The following ANXA10 variants were observed in gnomAD, a reference collection of about 807,000 sequenced individuals.
ANXA10 encodes the protein annexin A10, also known as annexin 14.
In ANXA10, 49 loss-of-function variants were observed where a neutral mutation model predicts 53.5. The observed-to-expected ratio is 0.92, with a 90% CI of 0.73 to 1.16. ANXA10 has a LOEUF of 1.16. ANXA10 is among the 50% of genes most tolerant of loss of function. The pLI, the probability that ANXA10 is intolerant of heterozygous loss-of-function variation, is 0.00. For missense variants in ANXA10, 393 were observed against 394.4 expected, an observed-to-expected ratio of 1.00 and a Z score of 0.03; for synonymous variants, 131 against 128.9, an observed-to-expected ratio of 1.02 and a Z score of -0.11.
intron 1 of ANXA10, among the ~76,000 whole-genome samples, chr4:168,102,647 T>G (rs1349884101): frequency 6.6e-6 from 1 of 152,116 alleles, no homozygotes; most frequent in Non-Finnish European, 1.5e-5. Flanking sequence ...GTTCACAGTT[T>G]GAATGGATAA....
At position 168,172,279 on chromosome 4, in the gene ANXA10, C is replaced by G. The variant is rs546877871; in HGVS notation, c.481-5461C>G. ...TGCTTAAAGTGCTCTTGGTAATTAG[C>G]TGCATAGGAAAATAAACAGATAGGC... On this transcript the variant is annotated intron_variant, in intron 6 of 11. Transcript: ENST00000359299. Among the ~76,000 whole-genome samples the G allele has an allele frequency of 9.9e-5, 15 of 152,274 alleles. 2 individuals carry two copies. In the South Asian group the frequency reaches 3.1e-3, roughly 32 times the overall value.
intron 3 of ANXA10, among the ~76,000 whole-genome samples, chr4:168,159,368 T>TA (rs1731743074): frequency 6.6e-6 from 1 of 152,210 alleles, no homozygotes; most frequent in Non-Finnish European, 1.5e-5. Flanking sequence ...ATGAAGTTTT[T>TA]ATTTTAATTT....
rs111603755 is a variant in ANXA10, at chr4:168,181,640, T to G, written c.725-43T>G. 3.8e-3 allele frequency: 5,618 copies of G among 1,465,460 alleles called. 178 individuals are homozygous for G. The African/African-American group carries it at 0.066, about 17-fold the overall frequency. 90.8% of individuals were successfully genotyped at this position (1,465,460 alleles called of 1,614,324 possible). ...CTCAAATTCTGACGAAAATATATGTTTTCACTCTCAATGTTTCTTCTTCTC... is the reference window on the plus strand; with the variant it reads ...CTCAAATTCTGACGAAAATATATGTGTTCACTCTCAATGTTTCTTCTTCTC... On this transcript the variant is annotated intron_variant, in intron 9 of 11. Coordinates refer to ENST00000359299, the MANE Select transcript of ANXA10 (RefSeq NM_007193.5).
intron 3 of ANXA10, among the ~76,000 whole-genome samples, chr4:168,152,003 T>C (rs1731505534): frequency 6.6e-6 from 1 of 152,250 alleles, no homozygotes; most frequent in Non-Finnish European, 1.5e-5. Flanking sequence ...TGTACCTATA[T>C]TGTAAGTGAC....
chr4:168,111,906 T>C (rs1730815206), intron 1 of ANXA10, among the ~76,000 whole-genome samples: 2 of 152,312 alleles, frequency 1.3e-5, no homozygotes, highest in Middle Eastern at 3.4e-3. Context: ...CAAGGAGGGC[T>C]GAGTAGTATT....
At chr4:168,166,121 T>C (rs1321438520) in intron 6 of ANXA10, among the ~76,000 whole-genome samples, 1 of 152,210 alleles carries the variant, frequency 6.6e-6, no homozygotes, top group Non-Finnish European at 1.5e-5. Context: ...ACAAATATTC[T>C]CATAAGTACT....
At chr4:168,115,542 CCT>C (rs1346057782) in intron 1 of ANXA10, among the ~76,000 whole-genome samples, 1 of 149,294 alleles carries the variant, frequency 6.7e-6, no homozygotes, top group Non-Finnish European at 1.5e-5. Flanking sequence ...CACACACTCC[CCT>C]CTTTCTTTTT....
Position 168,139,568 on chromosome 4 carries a change from C to T in ANXA10, c.183C>T (p.Ser61=), listed in dbSNP as rs574118184. 10 of 1,609,976 alleles carry T rather than the reference C, an allele frequency of 6.2e-6. 1 individual carries two copies. In the South Asian group the frequency reaches 6.6e-5, roughly 11 times the overall value. ...TGATGATTGCAGAGGCATACCAGAG[C>T]ATGTATGGCCGGGTAAGGCCACTTT... ...QRMMIAEAYQ[S]MYGRDLIGDM... The change falls in exon 3 of 12, where the codon AGC becomes AGT. Residue 61 remains serine, a synonymous_variant. Transcript: ENST00000359299.
intron 10 of ANXA10, among the ~76,000 whole-genome samples, chr4:168,183,009 G>GAAAA (rs747151480): frequency 1.1e-5 from 1 of 93,384 alleles, no homozygotes; most frequent in Non-Finnish European, 2.2e-5. Flanking sequence ...CACCGTCTCG[G>GAAAA]AAAAAAAAAA....
At chr4:168,155,865 ATATCATATATTATATGTT>A (rs1731635837) in intron 3 of ANXA10, among the ~76,000 whole-genome samples, 1 of 26,618 alleles carries the variant, frequency 3.8e-5, no homozygotes, top group Non-Finnish European at 6.4e-5. Flanking sequence ...CATATATGAT[ATATCATATATTATATGTT>A]ATATATAATA....
rs1489584835 is a variant in ANXA10 at position 168,140,719 on chromosome 4, A to C, written c.195+1139A>C. ...CTGCAACCTCCGCCTCCTGGGTTCAAGTGATGCCCCTGCCTCAGCCTCCTG... is the reference window on the plus strand; with the variant it reads ...CTGCAACCTCCGCCTCCTGGGTTCACGTGATGCCCCTGCCTCAGCCTCCTG... On this transcript the variant is annotated intron_variant, in intron 3 of 11. Coordinates refer to ENST00000359299, the MANE Select transcript of ANXA10 (RefSeq NM_007193.5). Among the ~76,000 whole-genome samples the C allele has an allele frequency of 2.0e-5, 3 of 152,028 alleles. No homozygotes were observed. The East Asian group carries it at 5.8e-4, about 29-fold the overall frequency.
intron 2 of ANXA10, among the ~76,000 whole-genome samples, chr4:168,135,095 C>T (rs917862122): frequency 6.6e-6 from 1 of 152,160 alleles, no homozygotes; most frequent in African/African-American, 2.4e-5. Context: ...GGGATCAAGA[C>T]TATTGCAAGA....
At chr4:168,099,539 G>A (rs1730607578) in intron 1 of ANXA10, among the ~76,000 whole-genome samples, 1 of 152,090 alleles carries the variant, frequency 6.6e-6, no homozygotes, top group African/African-American at 2.4e-5. Flanking sequence ...TAATTAATTA[G>A]TGGTTTTGAA....
chr4:168,159,691 CT>C (rs1373022174), intron 3 of ANXA10, among the ~76,000 whole-genome samples: 4 of 152,076 alleles, frequency 2.6e-5, no homozygotes, highest in Non-Finnish European at 1.5e-5. Flanking sequence ...ATAATAGTCT[CT>C]TTTTACCCCT....
At position 168,143,376 on chromosome 4, in the gene ANXA10, C is replaced by A. The variant is rs1731355263; in HGVS notation, c.195+3796C>A. 2.0e-5 allele frequency among the ~76,000 whole-genome samples: 3 copies of A among 152,208 alleles called. No individual in the cohort carries two copies. The South Asian group carries it at 6.2e-4, about 31-fold the overall frequency. Reference sequence around the variant, plus strand: ...ATTTTCTTAGCTGCTGAGTGAAGTACAATTCTCAGCAGGCTCCATGAACAC... The same window carrying A: ...ATTTTCTTAGCTGCTGAGTGAAGTAAAATTCTCAGCAGGCTCCATGAACAC... On this transcript the variant is annotated intron_variant, in intron 3 of 11. Transcript: ENST00000359299.
intron 1 of ANXA10, among the ~76,000 whole-genome samples, chr4:168,102,112 T>C (rs1424394681): frequency 6.6e-6 from 1 of 152,146 alleles, no homozygotes; most frequent in East Asian, 1.9e-4. Context: ...AGCTTTACAG[T>C]TCAGTCAAAA....
chr4:168,177,424 A>C (rs2149480660), intron 6 of ANXA10, among the ~76,000 whole-genome samples: 1 of 152,326 alleles, frequency 6.6e-6, no homozygotes. Flanking sequence ...TGCCATGGTC[A>C]GGCAGTGGAT....
intron 1 of ANXA10, among the ~76,000 whole-genome samples, chr4:168,102,258 T>C (rs1730652336): frequency 6.6e-6 from 1 of 152,160 alleles, no homozygotes; most frequent in African/African-American, 2.4e-5. Context: ...TACATCTTTG[T>C]TGATTTTGTT....
intron 1 of ANXA10, among the ~76,000 whole-genome samples, chr4:168,097,751 C>A (rs1241723777): frequency 2.0e-5 from 3 of 152,074 alleles, no homozygotes; most frequent in East Asian, 3.9e-4. Context: ...TTGTCATAAA[C>A]CCTGACCTCT....
Sources: gnomAD v4.1 joint callset for allele counts (sites outside exome capture counted in the v4.1 genomes callset) on GRCh38, gnomAD v4.1.1 for gene constraint, MANE v1.5 for transcripts, NCBI Gene and HGNC (gene_info 2026-07-23, HGNC 2026-07-21) for gene names.